The following MAP2K1 variants were observed in gnomAD, a reference collection of about 807,000 sequenced individuals.
The protein encoded by MAP2K1 is mitogen-activated protein kinase kinase 1.
A neutral mutation model predicts 46.3 loss-of-function variants in MAP2K1; 16 were observed. The ratio of observed to expected loss-of-function variants is 0.35; its 90% CI spans 0.23 to 0.52. The LOEUF is 0.52. MAP2K1 is among the 20% of genes least tolerant of loss of function. The pLI, the probability that MAP2K1 is intolerant of heterozygous loss-of-function variation, is 0.94. For missense variants in MAP2K1, 263 were observed against 497.1 expected, an observed-to-expected ratio of 0.53 and a Z score of 4.48; for synonymous variants, 183 against 185.6, an observed-to-expected ratio of 0.99 and a Z score of 0.11.
intron 1 of MAP2K1, among the ~76,000 whole-genome samples, chr15:66,401,533 G>A (rs755778242): frequency 4.6e-5 from 7 of 152,146 alleles, no homozygotes; most frequent in Non-Finnish European, 5.9e-5. Context: ...TATTCTGGGA[G>A]CTGCAGGTAG....
intron 1 of MAP2K1, among the ~76,000 whole-genome samples, chr15:66,432,951 T>C (rs1361153873): frequency 1.5e-5 from 2 of 137,220 alleles, no homozygotes; most frequent in Non-Finnish European, 3.2e-5. Context: ...CATTCCCCCA[T>C]CATGCACAGT....
At chr15:66,400,762 G>C (rs1189981071) in intron 1 of MAP2K1, among the ~76,000 whole-genome samples, 2 of 152,152 alleles carry the variant, frequency 1.3e-5, no homozygotes, top group Non-Finnish European at 2.9e-5. Flanking sequence ...AAAGCTAAAA[G>C]TGCTGATCCT....
intron 5 of MAP2K1, among the ~76,000 whole-genome samples, chr15:66,474,986 C>G (rs1228314827): frequency 1.1e-4 from 17 of 151,954 alleles, no homozygotes; most frequent in Non-Finnish European, 1.5e-5. Flanking sequence ...CTTCTTAGGT[C>G]TGCTAGGCTC....
rs151098330 is a variant in MAP2K1, at chr15:66,468,558, G to C, written c.569-13197G>C. Among the ~76,000 whole-genome samples, 297 of 152,248 alleles carry C rather than the reference G, an allele frequency of 2.0e-3. 1 individual carries two copies. Among genetic ancestry groups the C allele is most frequent in the Middle Eastern group, 0.01 (3 of 294 alleles). On this transcript the variant is annotated intron_variant, in intron 5 of 10. Coordinates refer to ENST00000307102, the MANE Select transcript of MAP2K1 (RefSeq NM_002755.4). The stretch of plus-strand genomic sequence containing the variant: ...TAGATAGGTACTACCTATCTTAACT[G>C]GATCTCTGAGTTCTGAGTAGAGCCC...
chr15:66,470,499 A>G (rs1892607041), intron 5 of MAP2K1, among the ~76,000 whole-genome samples: 1 of 152,212 alleles, frequency 6.6e-6, no homozygotes, highest in Non-Finnish European at 1.5e-5. Flanking sequence ...TTGTCACGGA[A>G]GCAGGAAAAC....
chr15:66,489,868 T>G, intron 10 of MAP2K1, 105 bp downstream of exon 10: 1 of 977,074 alleles, frequency 1.0e-6, no homozygotes, highest in South Asian at 1.3e-5. Context: ...CCCTGCCCAC[T>G]GTGGTCCAGC....
At chr15:66,413,515 TAAG>T (rs1595846903) in intron 1 of MAP2K1, among the ~76,000 whole-genome samples, 2 of 152,326 alleles carry the variant, frequency 1.3e-5, no homozygotes, top group East Asian at 3.9e-4. Flanking sequence ...ACTTAAGTAA[TAAG>T]AAAAAAGATT....
rs1252113273 is a variant in MAP2K1, at chr15:66,491,539, A to C, written c.*924A>C. ...CTATGAAATAAAAAAAAAAGGATGA[A>C]AGCTACTTTTGCTTTTGTGGTAAGC... On this transcript the variant is annotated 3_prime_UTR_variant, in exon 11 of 11. Transcript: ENST00000307102. 1 of 190,124 alleles carries C rather than the reference A, an allele frequency of 5.3e-6. No homozygotes were observed. Among genetic ancestry groups the C allele is most frequent in the Admixed American group, 6.1e-5 (1 of 16,472 alleles). The allele number at this position is 190,124 out of a possible 1,614,324, so 11.8% of individuals were successfully genotyped here.
chr15:66,396,509 A>T (rs1196108247), intron 1 of MAP2K1, among the ~76,000 whole-genome samples: 3 of 151,940 alleles, frequency 2.0e-5, no homozygotes, highest in Non-Finnish European at 4.4e-5. Flanking sequence ...ACCTCAGGTG[A>T]TATGCCTGCC....
intron 5 of MAP2K1, among the ~76,000 whole-genome samples, chr15:66,452,299 A>AAAG (rs1555417518): frequency 1.8e-4 from 8 of 44,292 alleles, no homozygotes; most frequent in Non-Finnish European, 3.1e-4. Context: ...AAAAAAAAAA[A>AAAG]AAAAGAAAAA....
Position 66,483,120 on chromosome 15 carries a change from GC to G in MAP2K1, c.693+1246del, listed in dbSNP as rs961964784. 3.9e-5 allele frequency among the ~76,000 whole-genome samples: 6 copies of G among 152,272 alleles called. No individual in the cohort carries two copies. In the South Asian group the frequency reaches 6.2e-4, roughly 16 times the overall value. ...GCTGAGCCAGGATTGAAAGCTAGCT[GC>G]CCCCTTGCCAGGCAGACGCCCTTTG... On this transcript the variant is annotated intron_variant, in intron 6 of 10. Transcript: ENST00000307102.
chr15:66,468,376 C>T (rs747217347), intron 5 of MAP2K1, among the ~76,000 whole-genome samples: 4 of 152,048 alleles, frequency 2.6e-5, no homozygotes, highest in Non-Finnish European at 5.9e-5. Flanking sequence ...TATTGAAGGA[C>T]ACAACTCTTT....
intron 3 of MAP2K1, among the ~76,000 whole-genome samples, chr15:66,441,099 G>A (rs1276942698): frequency 6.6e-6 from 1 of 152,032 alleles, no homozygotes; most frequent in Non-Finnish European, 1.5e-5. Context: ...AGTAGCAGGA[G>A]GACAACAGAT....
intron 5 of MAP2K1, 158 bp downstream of exon 5, chr15:66,444,865 A>G (rs996853051): frequency 1.5e-6 from 1 of 667,190 alleles, no homozygotes; most frequent in African/African-American, 1.8e-5. Context: ...TGGCTGAGGC[A>G]GCAACTCCTA....
intron 2 of MAP2K1, 29 bp downstream of exon 2, chr15:66,435,266 G>A (rs2140580310): frequency 6.3e-7 from 1 of 1,578,690 alleles, no homozygotes; most frequent in South Asian, 1.1e-5. Context: ...ACAGGTAATT[G>A]GATTATTTCT....
intron 5 of MAP2K1, among the ~76,000 whole-genome samples, chr15:66,461,475 T>TATAAATAAATAA (rs1335143775): frequency 2.3e-5 from 2 of 87,028 alleles, no homozygotes; most frequent in African/African-American, 9.3e-5. Context: ...AGACTCTGTC[T>TATAAATAAATAA]CTAAATAAAT....
rs1276517617 is a variant in MAP2K1, at chr15:66,490,820, G to A, written c.*205G>A. The A allele has an allele frequency of 1.6e-4, 103 of 648,032 alleles. No homozygotes were observed. Among genetic ancestry groups the A allele is most frequent in the Non-Finnish European group, 5.7e-6 (2 of 352,306 alleles). 40.1% of individuals were successfully genotyped at this position (648,032 alleles called of 1,614,324 possible). A position where few individuals can be genotyped will look rare whatever the true frequency, so the allele number is the denominator to read the frequency against. On this transcript the variant is annotated 3_prime_UTR_variant, in exon 11 of 11. Coordinates refer to ENST00000307102, the MANE Select transcript of MAP2K1 (RefSeq NM_002755.4). ...ATTACTATTATTGTTCCCCTAAGTG[G>A]ATTGGCTTTGTGCTTGGGGCTATTT...
intron 5 of MAP2K1, among the ~76,000 whole-genome samples, chr15:66,467,695 G>A (rs1295656154): frequency 6.6e-6 from 1 of 152,052 alleles, no homozygotes; most frequent in Non-Finnish European, 1.5e-5. Flanking sequence ...TCAGTAACTG[G>A]GATTACAGGT....
At position 66,446,081 on chromosome 15, in the gene MAP2K1, C is replaced by T. The variant is rs530603035; in HGVS notation, c.568+1374C>T. The stretch of plus-strand genomic sequence containing the variant: ...TCTGCTAAAAGTACCGAAAATTAGC[C>T]GGGCGTGGTGGCGGGTGCTTGTAAT... On this transcript the variant is annotated intron_variant, in intron 5 of 10. Transcript: ENST00000307102. 5.9e-5 allele frequency among the ~76,000 whole-genome samples: 9 copies of T among 152,000 alleles called. No individual in the cohort carries two copies. The East Asian group carries it at 1.5e-3, about 26-fold the overall frequency.
Sources: gnomAD v4.1 joint callset for allele counts (sites outside exome capture counted in the v4.1 genomes callset) on GRCh38, gnomAD v4.1.1 for gene constraint, MANE v1.5 for transcripts, NCBI Gene and HGNC (gene_info 2026-07-23, HGNC 2026-07-21) for gene names.